The following NLE1 variants were observed in gnomAD, a reference collection of about 807,000 sequenced individuals.
NLE1 encodes the protein notchless homolog 1.
In NLE1, 37 loss-of-function variants were observed where a neutral mutation model predicts 62.8. That is an observed-to-expected ratio of 0.59 (90% CI 0.45 to 0.78). The LOEUF (loss-of-function observed/expected upper bound fraction) is 0.78. Among genes scored for constraint, NLE1 ranks in the 30% least tolerant of loss-of-function variants. The probability of loss-of-function intolerance (pLI) is 0.00; values close to 1 mark genes in which losing one functional copy is unlikely to be tolerated. For missense variants in NLE1, 555 were observed against 637.9 expected, an observed-to-expected ratio of 0.87 and a Z score of 1.40; for synonymous variants, 243 against 253.0, an observed-to-expected ratio of 0.96 and a Z score of 0.37.
intron 5 of NLE1, 46 bp downstream of exon 5, chr17:35,137,768 G>C: frequency 6.7e-7 from 1 of 1,492,602 alleles, no homozygotes; most frequent in Non-Finnish European, 9.3e-7. Context: ...TGTCTCCTAG[G>C]AAGGCCCCCT....
At chr17:35,133,147 AACC>A in intron 12 of NLE1, 21 bp downstream of exon 12, 1 of 1,611,992 alleles carries the variant, frequency 6.2e-7, no homozygotes, top group Non-Finnish European at 8.5e-7. Flanking sequence ...TGTGTATGCC[AACC>A]ACCACTTCCC....
rs904332480 is a variant in NLE1, at chr17:35,140,136, C to G, written c.163-70G>C. 4.5e-6 allele frequency: 7 copies of G among 1,543,072 alleles called. No homozygotes were observed. In the African/African-American group the frequency reaches 9.6e-5, roughly 21 times the overall value. ...AGGGGCACCCTCTGCCAGGGATGCT[C>G]CCCACTGAGCTGTGGGAGGTGAAGC... On this transcript the variant is annotated intron_variant, in intron 2 of 12. Coordinates refer to ENST00000442241, the MANE Select transcript of NLE1 (RefSeq NM_018096.5).
chr17:35,140,019 G>T lies in NLE1; in HGVS notation c.210C>A (p.Val70=). The change falls in exon 3 of 13, where the codon GTC becomes GTA. Residue 70 remains valine (V), a synonymous_variant. Coordinates refer to ENST00000442241, the MANE Select transcript of NLE1 (RefSeq NM_018096.5). ...ACTCCAACGTCTTCCCCAGTGAGGA[G>T]ACGATCTCAGCATCGTGGACAAAGA... is the stretch of plus-strand genomic sequence containing the variant. ...LAFFVHDAEI[V]SSLGKTLESQ... 6.2e-7 allele frequency: 1 copy of T among 1,614,018 alleles called. No homozygotes were observed. The highest frequency in any genetic ancestry group is 8.5e-7 in the Non-Finnish European group (1 of 1,180,014).
Position 35,140,179 on chromosome 17 carries a change from C to A in NLE1, c.163-113G>T, listed in dbSNP as rs563965399. The A allele has an allele frequency of 2.0e-4, 236 of 1,197,440 alleles. 5 individuals carry two copies. In the South Asian group the frequency reaches 3.3e-3, roughly 17 times the overall value. 74.2% of individuals were successfully genotyped at this position (1,197,440 alleles called of 1,614,324 possible). On this transcript the variant is annotated intron_variant, in intron 2 of 12. Coordinates refer to ENST00000442241, the MANE Select transcript of NLE1 (RefSeq NM_018096.5). ...GGTGAAGCTTCTTCTTTTCAGCCAT[C>A]GTGCTAGGGATACCCCCATCATTGC...
chr17:35,133,370 A>C lies in NLE1; in HGVS notation c.1343T>G (p.Leu448Arg). 1 of 1,614,136 alleles carries C rather than the reference A, an allele frequency of 6.2e-7. No individual in the cohort carries two copies. Among genetic ancestry groups the C allele is most frequent in the Middle Eastern group, 1.6e-4 (1 of 6,062 alleles). ...LKVWDVKAQK[L>R]AMDLPGHADE... ...CGCGTGGCCGGGCAGGTCCATGGCCAGCTTCTGGGCCTTCACATCCCACAC... is the reference window on the plus strand; with the variant it reads ...CGCGTGGCCGGGCAGGTCCATGGCCCGCTTCTGGGCCTTCACATCCCACAC... Residue 448 changes from leucine to arginine, a missense_variant, in exon 11 of 13, where the codon CTG becomes CGG. Coordinates refer to ENST00000442241, the MANE Select transcript of NLE1 (RefSeq NM_018096.5).
chr17:35,138,946 T>C (rs927016661), intron 4 of NLE1, among the ~76,000 whole-genome samples: 1 of 152,056 alleles, frequency 6.6e-6, no homozygotes, highest in African/African-American at 2.4e-5. Flanking sequence ...ACATGGTCTC[T>C]ACCTAGGAAC....
intron 6 of NLE1, 111 bp from the exon 7 acceptor site, chr17:35,137,304 T>C: frequency 9.2e-7 from 1 of 1,084,586 alleles, no homozygotes; most frequent in Non-Finnish European, 1.3e-6. Flanking sequence ...ACAGCTTTTC[T>C]GACACCAAGA....
At position 35,133,357 on chromosome 17, in the gene NLE1, C is replaced by T. The variant is rs758302050; in HGVS notation, c.1356G>A (p.Leu452=). 3.1e-6 allele frequency: 5 copies of T among 1,614,198 alleles called. No homozygotes were observed. In the East Asian group the frequency reaches 1.1e-4, roughly 36 times the overall value. Residue 452 remains leucine (L), a synonymous_variant, in exon 11 of 13, where the codon CTG becomes CTA. Transcript: ENST00000442241. ...DVKAQKLAMD[L]PGHADEVYAV... is the part of the protein sequence containing the mutation. ...GCCCTACCTCATCCGCGTGGCCGGG[C>T]AGGTCCATGGCCAGCTTCTGGGCCT...
chr17:35,128,954 C>G lies in NLE1; in HGVS notation c.*3483G>C. On this transcript the variant is annotated 3_prime_UTR_variant, in exon 13 of 13. Transcript: ENST00000442241. ...TAAGGAGCATTCAACTTAGATCCCT[C>G]CCATACAATTCACAATAGGGTTCAC... 1 of 169,428 alleles carries G rather than the reference C, an allele frequency of 5.9e-6. No individual in the cohort carries two copies. The allele number at this position is 169,428 out of a possible 1,614,324, so 10.5% of individuals were successfully genotyped here.
chr17:35,136,105 G>T, intron 9 of NLE1, 64 bp downstream of exon 9: 1 of 1,531,854 alleles, frequency 6.5e-7, no homozygotes, highest in Non-Finnish European at 9.0e-7. Context: ...GGTCTGAGAG[G>T]GTTTTAGTGA....
chr17:35,129,760 T>C lies in NLE1; in HGVS notation c.*2677A>G. Reference sequence around the variant, plus strand: ...AACACCCCTATGCCCACATGACTCATCTGGCTAGCTTTCCTTCTGCCTGGG... The same window carrying C: ...AACACCCCTATGCCCACATGACTCACCTGGCTAGCTTTCCTTCTGCCTGGG... On this transcript the variant is annotated 3_prime_UTR_variant, in exon 13 of 13. Coordinates refer to ENST00000442241, the MANE Select transcript of NLE1 (RefSeq NM_018096.5). 2 of 1,488,226 alleles carry C rather than the reference T, an allele frequency of 1.3e-6. No homozygotes were observed. Among genetic ancestry groups the C allele is most frequent in the Non-Finnish European group, 1.8e-6 (2 of 1,119,958 alleles). 92.2% of individuals were successfully genotyped at this position (1,488,226 alleles called of 1,614,324 possible).
intron 10 of NLE1, among the ~76,000 whole-genome samples, chr17:35,134,201 C>G (rs2091894779): frequency 6.6e-6 from 1 of 152,150 alleles, no homozygotes; most frequent in Non-Finnish European, 1.5e-5. Context: ...TCCACAAGGT[C>G]TGAGTTGGGG....
At position 35,136,447 on chromosome 17, in the gene NLE1, C is replaced by T. The variant is rs1191228263; in HGVS notation, c.879G>A (p.Met293Ile). ...LQGHGHWVNT[M>I]ALSTDYALRT... is the part of the protein sequence containing the mutation. ...GCAGGGCATAGTCAGTGCTGAGGGC[C>T]ATGGTGTTCACCCAGTGGCCGTGGC... is the stretch of plus-strand genomic sequence containing the variant. The change falls in exon 8 of 13, where the codon ATG becomes ATA. Residue 293 changes from methionine to isoleucine, a missense_variant. Coordinates refer to ENST00000442241, the MANE Select transcript of NLE1 (RefSeq NM_018096.5). The T allele has an allele frequency of 1.9e-6, 3 of 1,614,132 alleles. No individual in the cohort carries two copies. The South Asian group carries it at 3.3e-5, about 18-fold the overall frequency.
rs774983468 is a variant in NLE1 at position 35,133,325 on chromosome 17, A to C, written c.1374+14T>G. On this transcript the variant is annotated intron_variant, in intron 11 of 12. Transcript: ENST00000442241. The stretch of plus-strand genomic sequence containing the variant: ...CCAATCCCAGTCCCTCCTTTGCCTG[A>C]GGGTTGGCCCTACCTCATCCGCGTG... 4 of 1,614,158 alleles carry C rather than the reference A, an allele frequency of 2.5e-6. No individual in the cohort carries two copies. Among genetic ancestry groups the C allele is most frequent in the Non-Finnish European group, 3.4e-6 (4 of 1,180,004 alleles).
chr17:35,130,634 T>G lies in NLE1; in HGVS notation c.*1803A>C. 1.7e-6 allele frequency: 1 copy of G among 583,456 alleles called. No homozygotes were observed. Among genetic ancestry groups the G allele is most frequent in the Non-Finnish European group, 3.0e-6 (1 of 333,146 alleles). The allele number at this position is 583,456 out of a possible 1,614,324, so 36.1% of individuals were successfully genotyped here. A position where few individuals can be genotyped will look rare whatever the true frequency, so the allele number is the denominator to read the frequency against. On this transcript the variant is annotated 3_prime_UTR_variant, in exon 13 of 13. Transcript: ENST00000442241. ...CCTGGAGGCATCTCAGGCCAGGCCATGCCAGGCTCAGCCACTGCCCACAGC... is the reference window on the plus strand; with the variant it reads ...CCTGGAGGCATCTCAGGCCAGGCCAGGCCAGGCTCAGCCACTGCCCACAGC...
Position 35,133,253 on chromosome 17 carries a change from C to A in NLE1, c.1375-12G>T, listed in dbSNP as rs2091887996. ...TCAACAGCATATACCTAAAGGGAGGCAGAGGAAGGCAGGTGGGGTGGTGAG... is the reference window on the plus strand; with the variant it reads ...TCAACAGCATATACCTAAAGGGAGGAAGAGGAAGGCAGGTGGGGTGGTGAG... On this transcript the variant is annotated splice_polypyrimidine_tract_variant and intron_variant, in intron 11 of 12. Transcript: ENST00000442241. 1 of 1,614,060 alleles carries A rather than the reference C, an allele frequency of 6.2e-7. No individual in the cohort carries two copies. The highest frequency in any genetic ancestry group is 1.3e-5 in the African/African-American group (1 of 74,932).
intron 2 of NLE1, among the ~76,000 whole-genome samples, chr17:35,140,598 C>CT (rs11321413): frequency 4.0e-5 from 6 of 150,210 alleles, no homozygotes; most frequent in Non-Finnish European, 5.9e-5. Context: ...ATTCTTTTTT[C>CT]TTTTTTTTTT....
Position 35,133,332 on chromosome 17 carries a change from G to A in NLE1, c.1374+7C>T, listed in dbSNP as rs370055501. The A allele has an allele frequency of 6.2e-7, 1 of 1,614,194 alleles. No individual in the cohort carries two copies. ...CAGTCCCTCCTTTGCCTGAGGGTTG[G>A]CCCTACCTCATCCGCGTGGCCGGGC... is the stretch of plus-strand genomic sequence containing the variant. On this transcript the variant is annotated splice_region_variant and intron_variant, in intron 11 of 12. Transcript: ENST00000442241.
intron 12 of NLE1, among the ~76,000 whole-genome samples, chr17:35,132,885 G>A (rs2091885233): frequency 1.3e-5 from 2 of 152,138 alleles, no homozygotes; most frequent in Admixed American, 6.6e-5. Context: ...CCTCTACAAG[G>A]TGTCCTGTGG....
Sources: allele counts gnomAD v4.1 joint callset (sites outside exome capture counted in the v4.1 genomes callset), GRCh38; gene constraint gnomAD v4.1.1; transcripts MANE v1.5; gene names NCBI Gene and HGNC (gene_info 2026-07-23, HGNC 2026-07-21).